Variants in B3GAT2 observed in about 807,000 individuals in gnomAD.
B3GAT2 encodes galactosylgalactosylxylosylprotein 3-beta-glucuronosyltransferase 2.
A neutral mutation model predicts 27.8 loss-of-function variants in B3GAT2; 26 were observed. The observed-to-expected ratio is 0.93, with a 90% CI of 0.68 to 1.30. B3GAT2 has a LOEUF of 1.30. B3GAT2 is among the 50% of genes most tolerant of loss of function. The pLI, the probability that B3GAT2 is intolerant of heterozygous loss-of-function variation, is 0.00. For synonymous variants in B3GAT2, 218 were observed against 195.1 expected, an observed-to-expected ratio of 1.12 and a Z score of -0.98; for missense variants, 458 against 459.0, an observed-to-expected ratio of 1.00 and a Z score of 0.02.
intron 1 of B3GAT2, among the ~76,000 whole-genome samples, chr6:70,909,313 A>T (rs1288123075): frequency 6.6e-6 from 1 of 152,214 alleles, no homozygotes; most frequent in East Asian, 1.9e-4. Context: ...TATACTATTG[A>T]CAAGACACAT....
chr6:70,908,350 G>A (rs1050707052), intron 1 of B3GAT2, among the ~76,000 whole-genome samples: 4 of 152,264 alleles, frequency 2.6e-5, no homozygotes, highest in Middle Eastern at 6.8e-3. Context: ...GACTAAATAG[G>A]CTCTTTGAAC....
chr6:70,887,350 C>T (rs685761), intron 2 of B3GAT2, among the ~76,000 whole-genome samples: 50,071 of 152,094 alleles, frequency 0.33, 12,929 homozygotes, highest in African/African-American at 0.7. Context: ...GTCATTCCCA[C>T]GTCCCTGCAG....
intron 1 of B3GAT2, among the ~76,000 whole-genome samples, chr6:70,906,445 T>C (rs1018821620): frequency 4.6e-5 from 7 of 152,074 alleles, no homozygotes; most frequent in Admixed American, 3.3e-4. Context: ...GCTCAAGCAA[T>C]CCTCCTGCCT....
intron 1 of B3GAT2, among the ~76,000 whole-genome samples, chr6:70,936,069 A>C (rs1324904366): frequency 4.6e-5 from 7 of 151,752 alleles, no homozygotes; most frequent in East Asian, 1.9e-4. Context: ...TCTACCAAGC[A>C]AATGGAAAAC....
In B3GAT2 at chr6:70,860,130, G is replaced by C; in HGVS notation, c.*1533C>G. On this transcript the variant is annotated 3_prime_UTR_variant, in exon 4 of 4. Transcript: ENST00000230053. ...CACATTAATGAAAAAATGACCAACT[G>C]TGTGGCTAAAGAAACAAGAATTAAA... 1 of 1,491,278 alleles carries C rather than the reference G, an allele frequency of 6.7e-7. No homozygotes were observed. Among genetic ancestry groups the C allele is most frequent in the Non-Finnish European group, 8.9e-7 (1 of 1,117,502 alleles). The allele number at this position is 1,491,278 out of a possible 1,614,324, so 92.4% of individuals were successfully genotyped here. A position where few individuals can be genotyped will look rare whatever the true frequency, so the allele number is the denominator to read the frequency against.
intron 2 of B3GAT2, among the ~76,000 whole-genome samples, chr6:70,889,401 C>A (rs1056022230): frequency 1.3e-5 from 2 of 152,062 alleles, no homozygotes; most frequent in African/African-American, 4.8e-5. Flanking sequence ...GCCCTCCTGC[C>A]TCCTAGTCAT....
intron 2 of B3GAT2, among the ~76,000 whole-genome samples, chr6:70,884,081 A>G (rs1447229945): frequency 1.5e-5 from 2 of 136,068 alleles, no homozygotes; most frequent in East Asian, 4.3e-4. Flanking sequence ...GCACTTCGGG[A>G]TCACCTCAAG....
intron 1 of B3GAT2, among the ~76,000 whole-genome samples, chr6:70,945,292 T>G (rs1250489888): frequency 6.6e-6 from 1 of 152,068 alleles, no homozygotes; most frequent in Non-Finnish European, 1.5e-5. Context: ...AGGAGGAAAT[T>G]CAAGCCAAAG....
intron 2 of B3GAT2, among the ~76,000 whole-genome samples, chr6:70,875,005 A>T (rs2504747): frequency 0.36 from 52,271 of 146,200 alleles, 9,945 homozygotes; most frequent in Middle Eastern, 0.44. Context: ...AGCCTTTTTT[A>T]AAAAAAAAAA....
In B3GAT2 at chr6:70,859,651, A is replaced by G. The variant is rs1771615763; in HGVS notation, c.*2012T>C. ...AGGGTTAAGATGCTTATATATATAT[A>G]TATTTGACTCCAGTCTTGAAGAAAA... On this transcript the variant is annotated 3_prime_UTR_variant, in exon 4 of 4. Coordinates refer to ENST00000230053, the MANE Select transcript of B3GAT2 (RefSeq NM_080742.3). 3 of 282,232 alleles carry G rather than the reference A, an allele frequency of 1.1e-5. No individual in the cohort carries two copies. The highest frequency in any genetic ancestry group is 2.0e-5 in the Non-Finnish European group (3 of 153,154). 17.5% of individuals were successfully genotyped at this position (282,232 alleles called of 1,614,324 possible).
At chr6:70,949,743 A>T (rs1765548735) in intron 1 of B3GAT2, among the ~76,000 whole-genome samples, 1 of 151,892 alleles carries the variant, frequency 6.6e-6, no homozygotes, top group Non-Finnish European at 1.5e-5. Flanking sequence ...TGCTATAAAG[A>T]CACATGCACA....
intron 1 of B3GAT2, among the ~76,000 whole-genome samples, chr6:70,932,660 G>A (rs1773079594): frequency 6.6e-6 from 1 of 152,106 alleles, no homozygotes; most frequent in Admixed American, 6.5e-5. Context: ...AACACTGAAG[G>A]TTATCAGGAT....
intron 2 of B3GAT2, among the ~76,000 whole-genome samples, chr6:70,865,645 A>T (rs1485698942): frequency 1.2e-4 from 18 of 152,192 alleles, no homozygotes; most frequent in Non-Finnish European, 4.4e-5. Flanking sequence ...TCTCAGGCAG[A>T]GGGATAGGGC....
chr6:70,882,113 C>G (rs1772108432), intron 2 of B3GAT2, among the ~76,000 whole-genome samples: 1 of 152,198 alleles, frequency 6.6e-6, no homozygotes, highest in Non-Finnish European at 1.5e-5. Flanking sequence ...AGAACTCAAA[C>G]TATAAAACTC....
At chr6:70,893,365 C>T (rs761277925) in intron 2 of B3GAT2, among the ~76,000 whole-genome samples, 1 of 151,910 alleles carries the variant, frequency 6.6e-6, no homozygotes. Flanking sequence ...AATTTTGAAG[C>T]CTTTCTGCCT....
chr6:70,867,360 A>G (rs890358645), intron 2 of B3GAT2, among the ~76,000 whole-genome samples: 1 of 152,138 alleles, frequency 6.6e-6, no homozygotes, highest in African/African-American at 2.4e-5. Flanking sequence ...ATAGAAAACA[A>G]TTGAGAAGAT....
chr6:70,922,907 A>T (rs1354267798), intron 1 of B3GAT2, among the ~76,000 whole-genome samples: 1 of 152,228 alleles, frequency 6.6e-6, no homozygotes, highest in East Asian at 1.9e-4. Flanking sequence ...CCAACCTCAG[A>T]TCCACCACTA....
chr6:70,891,959 C>T (rs1772296401), intron 2 of B3GAT2, among the ~76,000 whole-genome samples: 1 of 151,984 alleles, frequency 6.6e-6, no homozygotes, highest in Admixed American at 6.6e-5. Flanking sequence ...TCCTATCGAC[C>T]AAATTACTTA....
At position 70,956,632 on chromosome 6, in the gene B3GAT2, C is replaced by A; in HGVS notation, c.-203G>T. 1 of 1,420,206 alleles carries A rather than the reference C, an allele frequency of 7.0e-7. No individual in the cohort carries two copies. Among genetic ancestry groups the A allele is most frequent in the Non-Finnish European group, 9.1e-7 (1 of 1,093,060 alleles). 88.0% of individuals were successfully genotyped at this position (1,420,206 alleles called of 1,614,324 possible). The stretch of plus-strand genomic sequence containing the variant: ...AGCGGCAGGTTCGCGCAAGCTAGAG[C>A]GACAAGGGGTGCAGGCGGGCGGGCA... On this transcript the variant is annotated 5_prime_UTR_variant, in exon 1 of 4. Coordinates refer to ENST00000230053, the MANE Select transcript of B3GAT2 (RefSeq NM_080742.3).
Sources: allele counts gnomAD v4.1 joint callset (sites outside exome capture counted in the v4.1 genomes callset), GRCh38; gene constraint gnomAD v4.1.1; transcripts MANE v1.5; gene names NCBI Gene and HGNC (gene_info 2026-07-23, HGNC 2026-07-21).